The following MAF variants were observed in gnomAD, a reference collection of about 807,000 sequenced individuals.
MAF encodes the protein MAF bZIP transcription factor.
Under a neutral mutation model 22.0 loss-of-function variants are expected in MAF, and 10 were observed. That is an observed-to-expected ratio of 0.45 (90% CI 0.28 to 0.77). The LOEUF is 0.77. Ranked by LOEUF, MAF falls within the 30% of genes least tolerant of loss-of-function variation. The pLI is 0.12. For synonymous variants in MAF, 337 were observed against 255.8 expected (o/e 1.32, Z -3.03); for missense variants, 544 against 548.4 (o/e 0.99, Z 0.08).
At chr16:79,384,360 G>A in the MAF span, among the ~76,000 whole-genome samples, 12 of 150,334 alleles carry the variant, frequency 8.0e-5, no homozygotes, top group Non-Finnish European at 1.3e-4. Flanking sequence ...CAGGAGAATC[G>A]CCTGAACCTG....
At chr16:79,211,259 A>G in the MAF span, among the ~76,000 whole-genome samples, 1 of 152,132 alleles carries the variant, frequency 6.6e-6, no homozygotes, top group Non-Finnish European at 1.5e-5. Flanking sequence ...GAGGGGTTGG[A>G]TGAATTTGTT....
chr16:79,353,831 G>C, the MAF span, among the ~76,000 whole-genome samples: 2 of 152,084 alleles, frequency 1.3e-5, no homozygotes, highest in Non-Finnish European at 2.9e-5. Context: ...GTCTTATTTA[G>C]TGTCTTGTGG....
chr16:79,293,431 C>G, the MAF span, among the ~76,000 whole-genome samples: 1 of 152,154 alleles, frequency 6.6e-6, no homozygotes, highest in South Asian at 2.1e-4. Context: ...TAAAAAATGC[C>G]TATTATGTAA....
the MAF span, among the ~76,000 whole-genome samples, chr16:79,536,876 G>C: frequency 6.6e-6 from 1 of 152,164 alleles, no homozygotes; most frequent in Non-Finnish European, 1.5e-5. Flanking sequence ...TTTTAAGTAA[G>C]AGACTTGACC....
the MAF span, among the ~76,000 whole-genome samples, chr16:79,304,366 C>CGTAT: frequency 6.6e-6 from 1 of 152,152 alleles, no homozygotes; most frequent in African/African-American, 2.4e-5. Context: ...GATACTGTAT[C>CGTAT]GTATTACTGT....
chr16:79,251,982 G>A, the MAF span, among the ~76,000 whole-genome samples: 1 of 152,258 alleles, frequency 6.6e-6, no homozygotes, highest in East Asian at 1.9e-4. Context: ...CCTTTAAAAT[G>A]AGTTATTCTG....
At chr16:79,519,628 T>C in the MAF span, among the ~76,000 whole-genome samples, 1 of 152,202 alleles carries the variant, frequency 6.6e-6, no homozygotes, top group African/African-American at 2.4e-5. Context: ...CAGAAGGGAC[T>C]GTAGCCCGGG....
At chr16:79,371,221 G>A in the MAF span, among the ~76,000 whole-genome samples, 5 of 152,158 alleles carry the variant, frequency 3.3e-5, no homozygotes, top group African/African-American at 1.2e-4. Context: ...AGTGGTCTCA[G>A]GGTAGTTGGC....
chr16:79,343,354 C>A, the MAF span, among the ~76,000 whole-genome samples: 1 of 152,054 alleles, frequency 6.6e-6, no homozygotes, highest in Non-Finnish European at 1.5e-5. Flanking sequence ...ACTTGAGCAT[C>A]TAGACTGTGA....
the MAF span, among the ~76,000 whole-genome samples, chr16:79,556,011 G>GT: frequency 0.2 from 29,756 of 151,834 alleles, 3,372 homozygotes; most frequent in Non-Finnish European, 0.26. Context: ...AGTTTGTTTT[G>GT]TTAGTTTAGT....
the MAF span, among the ~76,000 whole-genome samples, chr16:79,392,123 G>A: frequency 3.4e-5 from 5 of 147,826 alleles, no homozygotes; most frequent in East Asian, 8.1e-4. Flanking sequence ...GGAAAGAGAA[G>A]AAGAGAGGGA....
chr16:79,596,622 T>C, intron 1 of MAF: 1 of 1,041,312 alleles, frequency 9.6e-7, no homozygotes, highest in Non-Finnish European at 1.2e-6. Flanking sequence ...GCAAAATATG[T>C]AAAAGAAAAG....
the MAF span, among the ~76,000 whole-genome samples, chr16:79,568,990 T>C: frequency 2.0e-5 from 3 of 152,198 alleles, no homozygotes; most frequent in African/African-American, 7.2e-5. Context: ...TTTATGTCAC[T>C]AAATTAGTCA....
At chr16:79,208,573 A>G in the MAF span, among the ~76,000 whole-genome samples, 1 of 152,116 alleles carries the variant, frequency 6.6e-6, no homozygotes, top group East Asian at 1.9e-4. Flanking sequence ...TTATGAACTG[A>G]TGCCCCAAAA....
the MAF span, among the ~76,000 whole-genome samples, chr16:79,296,193 G>A: frequency 4.6e-5 from 7 of 152,276 alleles, no homozygotes; most frequent in South Asian, 6.2e-4. Context: ...TATTATATAC[G>A]AAGCAAGTAC....
the MAF span, among the ~76,000 whole-genome samples, chr16:79,425,489 G>A: frequency 3.3e-5 from 5 of 152,148 alleles, no homozygotes; most frequent in East Asian, 3.9e-4. Context: ...CTTGGGGTGG[G>A]AACTGATTGG....
intron 1 of MAF, 194 bp downstream of exon 1, chr16:79,598,590 GT>G: frequency 6.8e-7 from 1 of 1,470,190 alleles, no homozygotes; most frequent in Non-Finnish European, 9.0e-7. Context: ...GGGTGTGTGT[GT>G]GTGTGTGTGT....
chr16:79,584,933 A>T (rs1041165449), downstream of MAF, among the ~76,000 whole-genome samples: 8 of 152,192 alleles, frequency 5.3e-5, no homozygotes, highest in African/African-American at 1.9e-4. Context: ...AACACTCTCA[A>T]CTCACTGGAT....
At chr16:79,439,117 G>A in the MAF span, among the ~76,000 whole-genome samples, 539 of 152,204 alleles carry the variant, frequency 3.5e-3, 2 homozygotes, top group Non-Finnish European at 4.3e-3. Context: ...CTAGGGCACT[G>A]CACTTCGCAG....
Sources: allele counts gnomAD v4.1 joint callset (sites outside exome capture counted in the v4.1 genomes callset), GRCh38; gene constraint gnomAD v4.1.1; transcripts MANE v1.5; gene names NCBI Gene and HGNC (gene_info 2026-07-23, HGNC 2026-07-21).